Variants in LYRM2 observed in about 807,000 individuals in gnomAD.
The protein encoded by LYRM2 is LYR motif containing 2, also known as LYR motif-containing protein 2.
Under a neutral mutation model 11.6 loss-of-function variants are expected in LYRM2, and 8 were observed. The ratio of observed to expected loss-of-function variants is 0.69; its 90% confidence interval spans 0.40 to 1.24. The LOEUF (loss-of-function observed/expected upper bound fraction) is 1.24. LYRM2 is among the 50% of genes most tolerant of loss of function. LYRM2 has a pLI of 0.01. For synonymous variants in LYRM2, 30 were observed against 36.4 expected (o/e 0.83, Z 0.63); for missense variants, 117 against 102.9 (o/e 1.14, Z -0.59).
chr6:89,638,693 T>C lies in LYRM2; in HGVS notation c.24A>G (p.Pro8=). Residue 8 remains proline, a synonymous_variant, in exon 1 of 3, where the codon CCA becomes CCG. Coordinates refer to ENST00000523377, the MANE Select transcript of LYRM2 (RefSeq NM_020466.5). MAASRLP[P]ATLTLKQFVR... ...GTACCTGCTTTAACGTTAGCGTCGC[T>C]GGGGGTAAGCGGGAAGCAGCCATGT... 1 of 1,613,996 alleles carries C rather than the reference T, an allele frequency of 6.2e-7. No individual in the cohort carries two copies. The highest frequency in any genetic ancestry group is 1.3e-5 in the African/African-American group (1 of 75,014).
chr6:89,633,360 T>C lies in LYRM2; in HGVS notation c.*3913A>G, dbSNP rs868736590. 2 of 152,372 alleles carry C rather than the reference T, an allele frequency of 1.3e-5. No homozygotes were observed. The highest frequency in any genetic ancestry group is 1.5e-5 in the Non-Finnish European group (1 of 68,026). The allele number at this position is 152,372 out of a possible 1,614,324, so 9.4% of individuals were successfully genotyped here. ...TTGATCCTTGGCATTGTCAAAAACT[T>C]AACTGCAGGTCCAGTGTATATTTTT... is the stretch of plus-strand genomic sequence containing the variant. On this transcript the variant is annotated 3_prime_UTR_variant, in exon 3 of 3. Transcript: ENST00000523377.
Position 89,636,976 on chromosome 6 carries a change from C to A in LYRM2, c.*297G>T. On this transcript the variant is annotated 3_prime_UTR_variant, in exon 3 of 3. Transcript: ENST00000523377. ...GATTACAAGCATGAGCCACTACACCCGACCTCATAGTAGTTTTGATTTACA... is the reference window on the plus strand; with the variant it reads ...GATTACAAGCATGAGCCACTACACCAGACCTCATAGTAGTTTTGATTTACA... 4.4e-6 allele frequency: 1 copy of A among 227,602 alleles called. No individual in the cohort carries two copies. The highest frequency in any genetic ancestry group is 8.7e-6 in the Non-Finnish European group (1 of 115,278). 14.1% of individuals were successfully genotyped at this position (227,602 alleles called of 1,614,324 possible). A position where few individuals can be genotyped will look rare whatever the true frequency, so the allele number is the denominator to read the frequency against.
At position 89,634,440 on chromosome 6, in the gene LYRM2, C is replaced by T. The variant is rs1807920548; in HGVS notation, c.*2833G>A. ...ACTGTCTCTTTAAAAAAAAAAACAACTCACACCTGTAATCCTAGCACTCTG... is the reference window on the plus strand; with the variant it reads ...ACTGTCTCTTTAAAAAAAAAAACAATTCACACCTGTAATCCTAGCACTCTG... On this transcript the variant is annotated 3_prime_UTR_variant, in exon 3 of 3. Transcript: ENST00000523377. 4 of 150,512 alleles carry T rather than the reference C, an allele frequency of 2.7e-5. No individual in the cohort carries two copies. 9.3% of individuals were successfully genotyped at this position (150,512 alleles called of 1,614,324 possible).
In LYRM2 at chr6:89,634,339, A is replaced by G. The variant is rs1162488951; in HGVS notation, c.*2934T>C. 6.6e-6 allele frequency: 1 copy of G among 152,158 alleles called. No individual in the cohort carries two copies. Among genetic ancestry groups the G allele is most frequent in the African/African-American group, 2.4e-5 (1 of 41,438 alleles). The allele number at this position is 152,158 out of a possible 1,614,324, so 9.4% of individuals were successfully genotyped here. On this transcript the variant is annotated 3_prime_UTR_variant, in exon 3 of 3. Coordinates refer to ENST00000523377, the MANE Select transcript of LYRM2 (RefSeq NM_020466.5). ...TTCCCTTTGATACGACTATAATATTATAAACAGCAAGGAATATGTTCTGCT... is the reference window on the plus strand; with the variant it reads ...TTCCCTTTGATACGACTATAATATTGTAAACAGCAAGGAATATGTTCTGCT...
intron 2 of LYRM2, 118 bp downstream of exon 2, chr6:89,637,624 A>T (rs111993887): frequency 1.1e-6 from 1 of 927,452 alleles, no homozygotes; most frequent in Non-Finnish European, 1.6e-6. Flanking sequence ...ACAAGCAATG[A>T]TCAAGATATA....
Position 89,637,748 on chromosome 6 carries a change from G to A in LYRM2, c.180C>T (p.Thr60=), listed in dbSNP as rs1423087869. The change falls in exon 2 of 3, where the codon ACC becomes ACT. Residue 60 remains threonine, a synonymous_variant. Coordinates refer to ENST00000523377, the MANE Select transcript of LYRM2 (RefSeq NM_020466.5). Reference sequence around the variant, plus strand: ...ACCATGATTTTGTTCTCACCTCTTCGGTGGCACTTTTGTTTCTTCTGAATT... The same window carrying A: ...ACCATGATTTTGTTCTCACCTCTTCAGTGGCACTTTTGTTTCTTCTGAATT... ...REEFRRNKSA[T]EEDTIRMMIT... The A allele has an allele frequency of 6.8e-6, 11 of 1,613,534 alleles. No homozygotes were observed. The highest frequency in any genetic ancestry group is 4.4e-5 in the South Asian group (4 of 91,046).
Position 89,637,316 on chromosome 6 carries a change from T to A in LYRM2, c.224A>T (p.Gln75Leu). The A allele has an allele frequency of 6.2e-7, 1 of 1,605,660 alleles. No individual in the cohort carries two copies. The highest frequency in any genetic ancestry group is 1.3e-5 in the African/African-American group (1 of 74,914). ...AAGTGTTTTTTCTAACTCCTTGAGC[T>A]GCATATTGCCTTGAGTAATCATCAT... is the stretch of plus-strand genomic sequence containing the variant. ...IRMMITQGNM[Q>L]LKELEKTLAL... Residue 75 changes from glutamine (Q) to leucine (L), a missense_variant, in exon 3 of 3, where the codon CAG becomes CTG. By Grantham distance (113) the Gln-to-Leu change is moderately radical. Transcript: ENST00000523377.
intron 1 of LYRM2, chr6:89,638,410 C>T (rs1808081323): frequency 7.1e-7 from 1 of 1,412,816 alleles, no homozygotes; most frequent in African/African-American, 1.4e-5. Context: ...TTACCGTGGG[C>T]ACTGGGCAGC....
Position 89,632,797 on chromosome 6 carries a change from G to GT in LYRM2, c.*4475dup, listed in dbSNP as rs1807665154. ...ATTGTAGAGCTGGAGAGTACCTTCAGTTTTCTAAATCTATTCTCAAACAGG... is the reference window on the plus strand; with the variant it reads ...ATTGTAGAGCTGGAGAGTACCTTCAGTTTTTCTAAATCTATTCTCAAACAGG... On this transcript the variant is annotated 3_prime_UTR_variant, in exon 3 of 3. Transcript: ENST00000523377. 1 of 152,122 alleles carries GT rather than the reference G, an allele frequency of 6.6e-6. No individual in the cohort carries two copies. The highest frequency in any genetic ancestry group is 2.1e-4 in the South Asian group (1 of 4,826). The allele number at this position is 152,122 out of a possible 1,614,324, so 9.4% of individuals were successfully genotyped here.
chr6:89,633,810 T>G lies in LYRM2; in HGVS notation c.*3463A>C, dbSNP rs958128217. 8.5e-5 allele frequency: 13 copies of G among 152,262 alleles called. No homozygotes were observed. The highest frequency in any genetic ancestry group is 1.8e-4 in the Non-Finnish European group (12 of 68,042). 9.4% of individuals were successfully genotyped at this position (152,262 alleles called of 1,614,324 possible). A position where few individuals can be genotyped will look rare whatever the true frequency, so the allele number is the denominator to read the frequency against. Reference sequence around the variant, plus strand: ...AAAGATACTATGGATCTTAAATTCCTTATTAAAAAAATGCAAGTGTGAATA... The same window carrying G: ...AAAGATACTATGGATCTTAAATTCCGTATTAAAAAAATGCAAGTGTGAATA... On this transcript the variant is annotated 3_prime_UTR_variant, in exon 3 of 3. Transcript: ENST00000523377.
At chr6:89,637,936 A>G in intron 1 of LYRM2, 54 bp from the exon 2 acceptor site, 1 of 1,534,750 alleles carries the variant, frequency 6.5e-7, no homozygotes, top group Non-Finnish European at 8.9e-7. Flanking sequence ...CCAGCCTGGA[A>G]AGTTCTACTT....
chr6:89,633,033 CT>C lies in LYRM2; in HGVS notation c.*4239del, dbSNP rs1807711351. ...AGTATCAAGTCTAGACCATAGAGTG[CT>C]TTGGTGGGAGTATTTTGATTACCTC... On this transcript the variant is annotated 3_prime_UTR_variant, in exon 3 of 3. Coordinates refer to ENST00000523377, the MANE Select transcript of LYRM2 (RefSeq NM_020466.5). 6.6e-6 allele frequency: 1 copy of C among 152,226 alleles called. No individual in the cohort carries two copies. Among genetic ancestry groups the C allele is most frequent in the Non-Finnish European group, 1.5e-5 (1 of 68,046 alleles). The allele number at this position is 152,226 out of a possible 1,614,324, so 9.4% of individuals were successfully genotyped here.
rs1275085238 is a variant in LYRM2 at position 89,633,588 on chromosome 6, G to T, written c.*3685C>A. On this transcript the variant is annotated 3_prime_UTR_variant, in exon 3 of 3. Coordinates refer to ENST00000523377, the MANE Select transcript of LYRM2 (RefSeq NM_020466.5). ...GTGTTTTTTTAAAGAAATTGTTAGT[G>T]CATTATTGAGTATACTAAATATCTG... 6.6e-6 allele frequency: 1 copy of T among 152,070 alleles called. No individual in the cohort carries two copies. The highest frequency in any genetic ancestry group is 1.5e-5 in the Non-Finnish European group (1 of 68,026). The allele number at this position is 152,070 out of a possible 1,614,324, so 9.4% of individuals were successfully genotyped here.
Position 89,633,606 on chromosome 6 carries a change from A to T in LYRM2, c.*3667T>A, listed in dbSNP as rs1482768797. On this transcript the variant is annotated 3_prime_UTR_variant, in exon 3 of 3. Coordinates refer to ENST00000523377, the MANE Select transcript of LYRM2 (RefSeq NM_020466.5). ...TGTTAGTGCATTATTGAGTATACTA[A>T]ATATCTGTGATTAAATAAATTAGTT... is the stretch of plus-strand genomic sequence containing the variant. 3 of 152,194 alleles carry T rather than the reference A, an allele frequency of 2.0e-5. No individual in the cohort carries two copies. Among genetic ancestry groups the T allele is most frequent in the Non-Finnish European group, 4.4e-5 (3 of 68,024 alleles). The allele number at this position is 152,194 out of a possible 1,614,324, so 9.4% of individuals were successfully genotyped here.
In LYRM2 at chr6:89,638,729, T is replaced by A. The variant is rs745417507; in HGVS notation, c.-13A>T. ...GGGAAGCAGCCATGTCCACCAGAGG[T>A]CCGCCGGAGCCTCAGCGCGCAGGAG... On this transcript the variant is annotated 5_prime_UTR_variant, in exon 1 of 3. Transcript: ENST00000523377. 2.9e-5 allele frequency: 47 copies of A among 1,613,632 alleles called. No individual in the cohort carries two copies. In the East Asian group the frequency reaches 1.0e-3, roughly 35 times the overall value.
chr6:89,637,856 GAGA>G lies in LYRM2; in HGVS notation c.69_71del (p.Leu25del), dbSNP rs775181637. Reference sequence around the variant, plus strand: ...TTGTTTGCAAAATCCTTCTGTAGAGGAGAAGAACTTGTTGCCTTCTTACGAACT... The same window carrying G: ...TTGTTTGCAAAATCCTTCTGTAGAGGAGAACTTGTTGCCTTCTTACGAACT... On this transcript the variant is annotated inframe_deletion, in exon 2 of 3. Coordinates refer to ENST00000523377, the MANE Select transcript of LYRM2 (RefSeq NM_020466.5). 6.8e-6 allele frequency: 11 copies of G among 1,613,986 alleles called. No homozygotes were observed. The highest frequency in any genetic ancestry group is 4.0e-5 in the African/African-American group (3 of 75,006).
At chr6:89,637,675 T>TA (rs543524750) in intron 2 of LYRM2, 67 bp downstream of exon 2, 12,446 of 1,232,650 alleles carry the variant, frequency 0.01, no homozygotes, top group South Asian at 0.016. Flanking sequence ...CTGCTAAACT[T>TA]AAAAAAAAAA....
At position 89,636,635 on chromosome 6, in the gene LYRM2, CTCTTTT is replaced by C. The variant is rs1291345711; in HGVS notation, c.*632_*637del. ...TCTTCACCAAGACTTATTATTATTTCTCTTTTTAATTACAGCCATTCTAGTGAATGT... is the reference window on the plus strand; with the variant it reads ...TCTTCACCAAGACTTATTATTATTTCTAATTACAGCCATTCTAGTGAATGT... On this transcript the variant is annotated 3_prime_UTR_variant, in exon 3 of 3. Transcript: ENST00000523377. 2 of 149,652 alleles carry C rather than the reference CTCTTTT, an allele frequency of 1.3e-5. No homozygotes were observed. The highest frequency in any genetic ancestry group is 3.0e-5 in the Non-Finnish European group (2 of 67,542). 9.3% of individuals were successfully genotyped at this position (149,652 alleles called of 1,614,324 possible).
rs945617158 is a variant in LYRM2 at position 89,634,722 on chromosome 6, G to A, written c.*2551C>T. The A allele has an allele frequency of 6.6e-6, 1 of 152,178 alleles. No individual in the cohort carries two copies. The highest frequency in any genetic ancestry group is 2.4e-5 in the African/African-American group (1 of 41,432). 9.4% of individuals were successfully genotyped at this position (152,178 alleles called of 1,614,324 possible). ...ACCCTGTCTCAAAAAAAAGTCATCT[G>A]TGTGTTTCTTGCAGGCACATCTATG... On this transcript the variant is annotated 3_prime_UTR_variant, in exon 3 of 3. Coordinates refer to ENST00000523377, the MANE Select transcript of LYRM2 (RefSeq NM_020466.5).
Sources: gnomAD v4.1 joint callset for allele counts on GRCh38, gnomAD v4.1.1 for gene constraint, MANE v1.5 for transcripts, NCBI Gene and HGNC (gene_info 2026-07-23, HGNC 2026-07-21) for gene names.